ZNF138: variants seen among roughly 807,000 people sequenced by gnomAD.
ZNF138 encodes zinc finger protein 138 (clone pHZ-32).
ZNF138 carries 33 observed loss-of-function variants against 33.0 expected under a neutral mutation model. The observed-to-expected ratio is 1.00, with a 90% CI of 0.76 to 1.34. The LOEUF (loss-of-function observed/expected upper bound fraction) is 1.34, where lower values mean the gene tolerates loss of function less well. ZNF138 is among the 40% of genes most tolerant of loss of function. The pLI, the probability that ZNF138 is intolerant of heterozygous loss-of-function variation, is 0.00. For synonymous variants in ZNF138, 139 were observed against 120.4 expected (o/e 1.15, Z -1.01); for missense variants, 360 against 370.8 (o/e 0.97, Z 0.24).
rs185021383 is a variant in ZNF138 at position 64,826,727 on chromosome 7, G to A, written c.209-4724G>A. 1.2e-3 allele frequency among the ~76,000 whole-genome samples: 180 copies of A among 152,146 alleles called. 1 individual carries two copies. The highest frequency in any genetic ancestry group is 2.0e-3 in the Non-Finnish European group (135 of 68,022). On this transcript the variant is annotated intron_variant, in intron 3 of 3. Coordinates refer to ENST00000307355, the MANE Select transcript of ZNF138 (RefSeq NM_001271639.2). ...TGCAATGGTGTTATCTCGGTTCACT[G>A]TAACTTCTGCCTTCCAGGTTCAAAC...
the ZNF138 span, among the ~76,000 whole-genome samples, chr7:64,857,870 T>C: frequency 6.6e-6 from 1 of 152,184 alleles, no homozygotes; most frequent in Non-Finnish European, 1.5e-5. Flanking sequence ...GGAGACAGCA[T>C]TGAAATAGCA....
intron 1 of ZNF138, among the ~76,000 whole-genome samples, chr7:64,801,288 TG>T (rs2128986148): frequency 6.6e-6 from 1 of 152,304 alleles, no homozygotes; most frequent in East Asian, 1.9e-4. Context: ...AACTTTTTTA[TG>T]GGGGCATTTA....
chr7:64,839,712 G>C, the ZNF138 span, among the ~76,000 whole-genome samples: 1 of 152,190 alleles, frequency 6.6e-6, no homozygotes, highest in Non-Finnish European at 1.5e-5. Flanking sequence ...TGGAGGAGAA[G>C]CCTGACCTGA....
At chr7:64,799,687 A>G (rs1204622846) in intron 1 of ZNF138, among the ~76,000 whole-genome samples, 1 of 152,120 alleles carries the variant, frequency 6.6e-6, no homozygotes, top group African/African-American at 2.4e-5. Context: ...CTTGTTGCCC[A>G]GGCTGGAGTG....
At chr7:64,837,203 T>C (rs973014016), downstream of ZNF138, among the ~76,000 whole-genome samples, 5 of 152,078 alleles carry the variant, frequency 3.3e-5, no homozygotes, top group African/African-American at 1.2e-4. Flanking sequence ...GTAGGTGCCC[T>C]CTTAAGATGG....
the ZNF138 span, among the ~76,000 whole-genome samples, chr7:64,860,127 C>G: frequency 6.6e-6 from 1 of 152,118 alleles, no homozygotes; most frequent in Non-Finnish European, 1.5e-5. Context: ...CAGAGCAAGA[C>G]TCTGTCTCAA....
At chr7:64,848,037 G>GTTTTTT in the ZNF138 span, among the ~76,000 whole-genome samples, 3 of 152,202 alleles carry the variant, frequency 2.0e-5, no homozygotes, top group South Asian at 6.2e-4. Flanking sequence ...AGTTGTTTTA[G>GTTTTTT]TGCTGGCTTG....
intron 1 of ZNF138, among the ~76,000 whole-genome samples, chr7:64,796,396 A>G (rs1006259096): frequency 6.6e-6 from 1 of 152,136 alleles, no homozygotes; most frequent in African/African-American, 2.4e-5. Context: ...AGTGAGATAC[A>G]TCTGTTTTTT....
intron 3 of ZNF138, among the ~76,000 whole-genome samples, chr7:64,830,539 T>C (rs959845400): frequency 1.3e-5 from 2 of 152,076 alleles, no homozygotes; most frequent in Admixed American, 6.6e-5. Context: ...GCCAGGCTGG[T>C]CTTGAACTCC....
At chr7:64,860,464 AC>A in the ZNF138 span, among the ~76,000 whole-genome samples, 2 of 152,204 alleles carry the variant, frequency 1.3e-5, no homozygotes, top group Non-Finnish European at 2.9e-5. Flanking sequence ...GTTTTTACTT[AC>A]ACTAAGTTAC....
At chr7:64,843,130 G>A in the ZNF138 span, among the ~76,000 whole-genome samples, 11 of 152,218 alleles carry the variant, frequency 7.2e-5, no homozygotes, top group East Asian at 3.9e-4. Flanking sequence ...AGGTTAATTC[G>A]TGTGATTGAA....
intron 1 of ZNF138, among the ~76,000 whole-genome samples, chr7:64,806,341 T>G (rs1787595454): frequency 6.6e-6 from 1 of 152,080 alleles, no homozygotes; most frequent in South Asian, 2.1e-4. Flanking sequence ...AATCAACCAT[T>G]TTACCTCTTT....
At chr7:64,819,316 A>C (rs548767856) in intron 3 of ZNF138, among the ~76,000 whole-genome samples, 118 of 150,874 alleles carry the variant, frequency 7.8e-4, no homozygotes, top group African/African-American at 2.8e-3. Context: ...TAATGAATAT[A>C]TATTTCCTTG....
At chr7:64,839,943 G>C in the ZNF138 span, among the ~76,000 whole-genome samples, 1 of 152,100 alleles carries the variant, frequency 6.6e-6, no homozygotes, top group African/African-American at 2.4e-5. Flanking sequence ...AAGTCGCACT[G>C]TGCCAAAGGT....
At chr7:64,834,982 G>C (rs1257945435), downstream of ZNF138, among the ~76,000 whole-genome samples, 1 of 152,222 alleles carries the variant, frequency 6.6e-6, no homozygotes, top group African/African-American at 2.4e-5. Flanking sequence ...CTCGGGCGAG[G>C]TTCACTGGTC....
At chr7:64,820,021 G>A (rs1788985610) in intron 3 of ZNF138, among the ~76,000 whole-genome samples, 1 of 151,748 alleles carries the variant, frequency 6.6e-6, no homozygotes, top group Non-Finnish European at 1.5e-5. Flanking sequence ...TATAGTGAGT[G>A]ATAATTGTGC....
At chr7:64,807,692 T>C (rs941002787) in intron 1 of ZNF138, among the ~76,000 whole-genome samples, 2 of 152,186 alleles carry the variant, frequency 1.3e-5, no homozygotes, top group Admixed American at 1.3e-4. Context: ...AGGAGGCATT[T>C]TCTGCGTTGT....
At chr7:64,848,511 G>A in the ZNF138 span, among the ~76,000 whole-genome samples, 64,735 of 151,208 alleles carry the variant, frequency 0.43, 14,069 homozygotes, top group Non-Finnish European at 0.46. Context: ...ATTGTTTTTC[G>A]TTTATGCTAT....
intron 1 of ZNF138, among the ~76,000 whole-genome samples, chr7:64,799,163 CT>C (rs1482768822): frequency 2.0e-5 from 3 of 151,324 alleles, no homozygotes; most frequent in African/African-American, 7.3e-5. Flanking sequence ...TGATATTGAT[CT>C]TTTCTTTTCT....
Sources: allele counts gnomAD v4.1 joint callset (sites outside exome capture counted in the v4.1 genomes callset), GRCh38; gene constraint gnomAD v4.1.1; transcripts MANE v1.5; gene names NCBI Gene and HGNC (gene_info 2026-07-23, HGNC 2026-07-21).